Variants in LOXL4 observed in about 807,000 individuals in gnomAD.
LOXL4 encodes lysyl oxidase homolog 4.
In LOXL4, 72 loss-of-function variants were observed where a neutral mutation model predicts 89.1. That is an observed-to-expected ratio of 0.81 (90% CI 0.67 to 0.98). The LOEUF is 0.98. Ranked by LOEUF, LOXL4 falls within the 50% of genes least tolerant of loss-of-function variation. LOXL4 has a pLI of 0.00. For missense variants in LOXL4, 984 were observed against 1,017.5 expected (o/e 0.97, Z 0.45); for synonymous variants, 355 against 392.1 (o/e 0.91, Z 1.12).
chr10:98,264,494 G>C (rs1180001180), intron 1 of LOXL4, among the ~76,000 whole-genome samples: 1 of 151,736 alleles, frequency 6.6e-6, no homozygotes, highest in Non-Finnish European at 1.5e-5. Flanking sequence ...GTACTACACA[G>C]AGGGTTTGCC....
At position 98,261,052 on chromosome 10, in the gene LOXL4, C is replaced by T. The variant is rs777454314; in HGVS notation, c.532G>A (p.Ala178Thr). Reference sequence around the variant, plus strand: ...TGGCCCTCATACTTCACCTCCACGGCTCCCTCGGTCACTGGGCTATGCTGC... The same window carrying T: ...TGGCCCTCATACTTCACCTCCACGGTTCCCTCGGTCACTGGGCTATGCTGC... ...AKQHSPVTEG[A>T]VEVKYEGHWR... The change falls in exon 4 of 15, where the codon GCC becomes ACC. Residue 178 changes from alanine to threonine, a missense_variant. Transcript: ENST00000260702. 5.6e-6 allele frequency: 9 copies of T among 1,614,044 alleles called. No homozygotes were observed. Among genetic ancestry groups the T allele is most frequent in the Non-Finnish European group, 7.6e-6 (9 of 1,180,046 alleles).
intron 12 of LOXL4, chr10:98,251,903 C>T (rs560206194): frequency 1.6e-6 from 1 of 619,342 alleles, no homozygotes; most frequent in African/African-American, 1.8e-5. Context: ...AGTGCAAATC[C>T]CTGTTGAACT....
intron 8 of LOXL4, among the ~76,000 whole-genome samples, 161 bp downstream of exon 8, chr10:98,257,489 G>A (rs561981064): frequency 2.6e-5 from 4 of 152,276 alleles, no homozygotes; most frequent in Admixed American, 1.3e-4. Context: ...TTTCGGAGGG[G>A]CTGCAGCCAG....
At chr10:98,250,237 A>G (rs571270713) in intron 14 of LOXL4, among the ~76,000 whole-genome samples, 66 of 152,244 alleles carry the variant, frequency 4.3e-4, no homozygotes, top group African/African-American at 1.5e-3. Context: ...CTCAGATCAA[A>G]TACTACTTCT....
intron 4 of LOXL4, among the ~76,000 whole-genome samples, chr10:98,260,336 C>T (rs916443666): frequency 1.3e-5 from 2 of 152,110 alleles, no homozygotes; most frequent in East Asian, 1.9e-4. Context: ...AAAGCCCTAA[C>T]GCCAGTCACT....
In LOXL4 at chr10:98,257,534, G is replaced by A. The variant is rs868231869; in HGVS notation, c.1260+116C>T. Reference sequence around the variant, plus strand: ...AAGGGAAGGCAGACTGGTGCCCAAAGCAGAAGCGCTAGCCGCTCCTCCTGG... The same window carrying A: ...AAGGGAAGGCAGACTGGTGCCCAAAACAGAAGCGCTAGCCGCTCCTCCTGG... On this transcript the variant is annotated intron_variant, in intron 8 of 14. Transcript: ENST00000260702. 5.4e-6 allele frequency: 7 copies of A among 1,286,906 alleles called. No homozygotes were observed. The South Asian group carries it at 6.0e-5, about 11-fold the overall frequency. 79.7% of individuals were successfully genotyped at this position (1,286,906 alleles called of 1,614,324 possible). A position where few individuals can be genotyped will look rare whatever the true frequency, so the allele number is the denominator to read the frequency against.
At chr10:98,266,090 G>T (rs181166686) in intron 1 of LOXL4, among the ~76,000 whole-genome samples, 1 of 152,022 alleles carries the variant, frequency 6.6e-6, no homozygotes, top group African/African-American at 2.4e-5. Context: ...TCCCTCCTCC[G>T]TGCTCCCTGG....
Position 98,251,554 on chromosome 10 carries a change from C to T in LOXL4, c.2088+12G>A, listed in dbSNP as rs769452599. 2.5e-6 allele frequency: 4 copies of T among 1,613,502 alleles called. No homozygotes were observed. The South Asian group carries it at 4.4e-5, about 18-fold the overall frequency. On this transcript the variant is annotated intron_variant, in intron 13 of 14. Coordinates refer to ENST00000260702, the MANE Select transcript of LOXL4 (RefSeq NM_032211.7). ...AAATCAGGCTCTGTGGGGAATCCCCCAGCCGCCTTACCTGGAAGATATAAT... is the reference window on the plus strand; with the variant it reads ...AAATCAGGCTCTGTGGGGAATCCCCTAGCCGCCTTACCTGGAAGATATAAT...
Position 98,262,775 on chromosome 10 carries a change from C to G in LOXL4, c.245G>C (p.Trp82Ser), listed in dbSNP as rs746574613. The part of the protein sequence containing the change: ...RQLGFEAALT[W>S]AHSAKYGQGE... ...TTGGCCGTACTTGGCACTGTGGGCC[C>G]AGGTCAAGGCAGCTTCGAAGCCCAG... Residue 82 changes from tryptophan (W) to serine (S), a missense_variant, in exon 2 of 15, where the codon TGG becomes TCG. Trp to Ser is a radical substitution (Grantham distance 177). Coordinates refer to ENST00000260702, the MANE Select transcript of LOXL4 (RefSeq NM_032211.7). The G allele has an allele frequency of 2.5e-6, 4 of 1,613,242 alleles. No homozygotes were observed. The Admixed American group carries it at 5.0e-5, about 20-fold the overall frequency.
intron 4 of LOXL4, among the ~76,000 whole-genome samples, chr10:98,260,019 G>A (rs1858494401): frequency 6.6e-6 from 1 of 152,196 alleles, no homozygotes; most frequent in Non-Finnish European, 1.5e-5. Context: ...TGATTGGGGT[G>A]GCAGATGACT....
intron 2 of LOXL4, among the ~76,000 whole-genome samples, chr10:98,262,522 A>G (rs1858573656): frequency 1.3e-5 from 2 of 152,134 alleles, no homozygotes; most frequent in South Asian, 4.2e-4. Context: ...TGCTATGTTC[A>G]AGGAACTTAG....
rs746257 is a variant in LOXL4, at chr10:98,262,226, G to A, written c.278-13C>T. On this transcript the variant is annotated splice_polypyrimidine_tract_variant and intron_variant, in intron 2 of 14. Coordinates refer to ENST00000260702, the MANE Select transcript of LOXL4 (RefSeq NM_032211.7). ...AGCCAGATGGGTCCTGTGGAGTGGA[G>A]GTGATGCTCAAAGATGGCACAGAGA... is the stretch of plus-strand genomic sequence containing the variant. 0.14 allele frequency: 219,164 copies of A among 1,612,058 alleles called. 15,753 individuals carry two copies. Among genetic ancestry groups the A allele is most frequent in the Non-Finnish European group, 0.15 (173,080 of 1,179,402 alleles).
intron 10 of LOXL4, among the ~76,000 whole-genome samples, 186 bp downstream of exon 10, chr10:98,255,391 C>A (rs573201344): frequency 6.6e-6 from 1 of 152,128 alleles, no homozygotes; most frequent in African/African-American, 2.4e-5. Context: ...ACAATAACTC[C>A]GTGAGGGGGC....
chr10:98,250,280 TTC>T (rs1284990036), intron 14 of LOXL4, among the ~76,000 whole-genome samples: 1 of 152,222 alleles, frequency 6.6e-6, no homozygotes, highest in Non-Finnish European at 1.5e-5. Flanking sequence ...ACAGGTTGCT[TTC>T]TGTCTGTGCT....
In LOXL4 at chr10:98,253,698, A is replaced by T; in HGVS notation, c.1690T>A (p.Cys564Ser). 6.2e-7 allele frequency: 1 copy of T among 1,614,260 alleles called. No homozygotes were observed. Among genetic ancestry groups the T allele is most frequent in the Non-Finnish European group, 8.5e-7 (1 of 1,180,046 alleles). The stretch of plus-strand genomic sequence containing the variant: ...ATGTGATCCGCAGACTTGGAGAGGC[A>T]GTTCTCCTCGTGGGCACAATACAGC... ...SQLYCAHEEN[C>S]LSKSADHMDW... The change falls in exon 11 of 15, where the codon TGC becomes AGC. Residue 564 changes from cysteine to serine, a missense_variant. Physicochemically the swap from Cys to Ser is moderately radical, Grantham distance 112. Transcript: ENST00000260702.
intron 8 of LOXL4, 75 bp downstream of exon 8, chr10:98,257,575 C>T (rs1858414110): frequency 6.6e-7 from 1 of 1,525,024 alleles, no homozygotes; most frequent in East Asian, 2.3e-5. Context: ...TCCCCGCTAG[C>T]TCGATGTGGT....
At position 98,256,866 on chromosome 10, in the gene LOXL4, T is replaced by TC; in HGVS notation, c.1341dup (p.Ser448GlufsTer5). 6.2e-7 allele frequency: 1 copy of TC among 1,613,914 alleles called. No homozygotes were observed. The highest frequency in any genetic ancestry group is 8.5e-7 in the Non-Finnish European group (1 of 1,179,926). Reference sequence around the variant, plus strand: ...AGCCCCCAGTTTTCACTGCACACGCTCCCCCAGCGTGGGACCCCGTTCACC... The same window carrying TC: ...AGCCCCCAGTTTTCACTGCACACGCTCCCCCCAGCGTGGGACCCCGTTCACC... On this transcript the variant is annotated frameshift_variant, in exon 9 of 15. Transcript: ENST00000260702. LOFTEE classifies it high-confidence loss of function.
intron 10 of LOXL4, 77 bp from the exon 11 acceptor site, chr10:98,253,873 G>A (rs1564757054): frequency 6.3e-7 from 1 of 1,582,174 alleles, no homozygotes; most frequent in East Asian, 2.3e-5. Context: ...CAGAGGGCAA[G>A]CTTGCCCCCA....
rs1256884813 is a variant in LOXL4 at position 98,259,196 on chromosome 10, C to G, written c.734G>C (p.Trp245Ser). 2 of 1,611,640 alleles carry G rather than the reference C, an allele frequency of 1.2e-6. No individual in the cohort carries two copies. The highest frequency in any genetic ancestry group is 2.7e-5 in the African/African-American group (2 of 74,856). ...CCCCAGGCAGGTGACCTGGTGGATC[C>G]AGAAGGAGTTCTTATTCGTCAGGCT... is the stretch of plus-strand genomic sequence containing the variant. Reference protein sequence around the residue: ...LKSLTNKNSFWIHQVTCLGTE... With the variant: ...LKSLTNKNSFSIHQVTCLGTE... Residue 245 changes from tryptophan to serine, a missense_variant, in exon 6 of 15, where the codon TGG becomes TCG. Coordinates refer to ENST00000260702, the MANE Select transcript of LOXL4 (RefSeq NM_032211.7).
Sources: gnomAD v4.1 joint callset for allele counts (sites outside exome capture counted in the v4.1 genomes callset) on GRCh38, gnomAD v4.1.1 for gene constraint, MANE v1.5 for transcripts, NCBI Gene and HGNC (gene_info 2026-07-23, HGNC 2026-07-21) for gene names.